MYO3B: variants seen among roughly 807,000 people sequenced by gnomAD.
MYO3B encodes myosin IIIB, also known as myosin-IIIb.
MYO3B carries 156 observed loss-of-function variants against 174.6 expected under a neutral mutation model. That is an observed-to-expected ratio of 0.89 (90% CI 0.78 to 1.02). The LOEUF (loss-of-function observed/expected upper bound fraction) is 1.02, where lower values mean the gene tolerates loss of function less well. Ranked by LOEUF, MYO3B falls within the 50% of genes least tolerant of loss-of-function variation. The pLI is 0.00. For missense variants in MYO3B, 1,632 were observed against 1,639.4 expected, an observed-to-expected ratio of 1.00 and a Z score of 0.08; for synonymous variants, 563 against 569.1, an observed-to-expected ratio of 0.99 and a Z score of 0.15.
At chr2:170,236,761 T>C (rs2093075395) in intron 7 of MYO3B, among the ~76,000 whole-genome samples, 5 of 152,192 alleles carry the variant, frequency 3.3e-5, no homozygotes. Context: ...ACGGCTCTAG[T>C]TATGGAATAT....
chr2:170,403,890 C>T (rs959317237), intron 19 of MYO3B, among the ~76,000 whole-genome samples: 3 of 152,140 alleles, frequency 2.0e-5, no homozygotes, highest in East Asian at 1.9e-4. Flanking sequence ...CTTTGTCGAA[C>T]TCCTTGCAGA....
intron 30 of MYO3B, among the ~76,000 whole-genome samples, chr2:170,520,708 T>G (rs984297612): frequency 3.3e-5 from 5 of 152,084 alleles, no homozygotes; most frequent in African/African-American, 7.2e-5. Context: ...TCTGAGCTGC[T>G]CAAGCTGCAG....
In MYO3B at chr2:170,653,109, T is replaced by C. The variant is rs372816136; in HGVS notation, c.4014T>C (p.Phe1338=). 1.2e-6 allele frequency: 2 copies of C among 1,614,074 alleles called. No individual in the cohort carries two copies. Among genetic ancestry groups the C allele is most frequent in the African/African-American group, 2.7e-5 (2 of 74,938 alleles). ...CTTCATCCTCAAAAGGAGACTCTTT[T>C]GCTCAACATTAAATTGTGCTTCCTA... The part of the protein sequence containing the change: ...FFSSSSKGDS[F]AQH Residue 1338 remains phenylalanine, a synonymous_variant, in exon 35 of 35, where the codon TTT becomes TTC. Coordinates refer to ENST00000408978, the MANE Select transcript of MYO3B (RefSeq NM_138995.5).
At chr2:170,258,617 A>C (rs1329900890) in intron 7 of MYO3B, among the ~76,000 whole-genome samples, 9 of 152,174 alleles carry the variant, frequency 5.9e-5, no homozygotes. Flanking sequence ...GAATGGGAAA[A>C]AGCTGGAAGC....
intron 7 of MYO3B, among the ~76,000 whole-genome samples, chr2:170,316,719 A>G (rs2093778236): frequency 6.6e-6 from 1 of 152,244 alleles, no homozygotes. Flanking sequence ...AAATCACAGT[A>G]TCTATAACTC....
chr2:170,543,918 G>C lies in MYO3B; in HGVS notation c.3663G>C (p.Leu1221=), dbSNP rs761028615. The change falls in exon 32 of 35, where the codon CTG becomes CTC. Residue 1221 remains leucine, a synonymous_variant. Coordinates refer to ENST00000408978, the MANE Select transcript of MYO3B (RefSeq NM_138995.5). ...NKHSVSGTDL[L]SSRICHPAPD... ...ACTCGGTTTCTGGGACTGATTTGCT[G>C]TCTTCTCGGATATGCCATCCTGCTC... 2 of 1,613,144 alleles carry C rather than the reference G, an allele frequency of 1.2e-6. No individual in the cohort carries two copies. The highest frequency in any genetic ancestry group is 1.7e-6 in the Non-Finnish European group (2 of 1,179,280).
chr2:170,258,093 A>C (rs746937582), intron 7 of MYO3B, among the ~76,000 whole-genome samples: 34 of 152,144 alleles, frequency 2.2e-4, no homozygotes, highest in Admixed American at 5.2e-4. Flanking sequence ...AAAACCTGGC[A>C]ACCTAAAAAG....
At chr2:170,468,307 A>G (rs182777740) in intron 25 of MYO3B, among the ~76,000 whole-genome samples, 4 of 152,366 alleles carry the variant, frequency 2.6e-5, no homozygotes, top group South Asian at 2.1e-4. Flanking sequence ...AATCAAAGAC[A>G]GGAAACAGAG....
intron 30 of MYO3B, among the ~76,000 whole-genome samples, chr2:170,526,536 C>T (rs1467697148): frequency 6.6e-6 from 1 of 152,168 alleles, no homozygotes; most frequent in Non-Finnish European, 1.5e-5. Context: ...ATTCCTGGCT[C>T]CTATCTCAGG....
At chr2:170,331,306 C>T (rs1205850673) in intron 7 of MYO3B, among the ~76,000 whole-genome samples, 7 of 152,108 alleles carry the variant, frequency 4.6e-5, no homozygotes, top group Non-Finnish European at 1.0e-4. Flanking sequence ...GGAAGAAAAC[C>T]ATGAGGTCAT....
intron 32 of MYO3B, among the ~76,000 whole-genome samples, chr2:170,575,364 C>A (rs1692722771): frequency 6.6e-6 from 1 of 151,796 alleles, no homozygotes; most frequent in Non-Finnish European, 1.5e-5. Flanking sequence ...TGAAAGAAAC[C>A]AGAGAGTCAA....
chr2:170,390,588 C>A (rs1367026826), intron 14 of MYO3B, among the ~76,000 whole-genome samples: 1 of 152,088 alleles, frequency 6.6e-6, no homozygotes, highest in East Asian at 1.9e-4. Context: ...AGAATGGGGG[C>A]CATGCCACAA....
chr2:170,419,967 G>A (rs1390878228), intron 22 of MYO3B, among the ~76,000 whole-genome samples: 1 of 152,126 alleles, frequency 6.6e-6, no homozygotes, highest in East Asian at 1.9e-4. Flanking sequence ...GGTGGATCAC[G>A]AGGTCAGGAG....
chr2:170,596,389 G>C (rs1311162096), intron 32 of MYO3B, among the ~76,000 whole-genome samples: 3 of 152,186 alleles, frequency 2.0e-5, no homozygotes, highest in Non-Finnish European at 4.4e-5. Context: ...GTCCCTGTTT[G>C]ACTGTTACCA....
chr2:170,277,792 T>A (rs1346695227), intron 7 of MYO3B, among the ~76,000 whole-genome samples: 2 of 152,224 alleles, frequency 1.3e-5, no homozygotes, highest in African/African-American at 4.8e-5. Flanking sequence ...GTCACCAGTT[T>A]GCTGCACATC....
intron 32 of MYO3B, among the ~76,000 whole-genome samples, chr2:170,647,420 G>T (rs974248669): frequency 2.0e-5 from 3 of 152,136 alleles, no homozygotes; most frequent in African/African-American, 4.8e-5. Context: ...CCATTAAATT[G>T]TTCCAGTAGC....
In MYO3B at chr2:170,178,308, C is replaced by G. The variant is rs775062255; in HGVS notation, c.2+19C>G. On this transcript the variant is annotated intron_variant, in intron 1 of 34. Transcript: ENST00000408978. Reference sequence around the variant, plus strand: ...CATCGATGTGAGTTGCAGTTATTTTCCTTCCAGCTTTCTTCTGTGCTTGCT... The same window carrying G: ...CATCGATGTGAGTTGCAGTTATTTTGCTTCCAGCTTTCTTCTGTGCTTGCT... 7.4e-6 allele frequency: 12 copies of G among 1,614,118 alleles called. 1 individual carries two copies. The South Asian group carries it at 1.3e-4, about 18-fold the overall frequency.
intron 32 of MYO3B, among the ~76,000 whole-genome samples, chr2:170,596,709 G>A (rs577979077): frequency 7.2e-5 from 11 of 152,250 alleles, no homozygotes; most frequent in African/African-American, 2.6e-4. Flanking sequence ...GCCCCCCCAG[G>A]GCCTAGAGAA....
chr2:170,483,115 A>C (rs2106017527), intron 25 of MYO3B, among the ~76,000 whole-genome samples: 1 of 152,380 alleles, frequency 6.6e-6, no homozygotes, highest in Admixed American at 6.5e-5. Flanking sequence ...TGGATGCAAG[A>C]ATTAATATTC....
Sources: gnomAD v4.1 joint callset for allele counts (sites outside exome capture counted in the v4.1 genomes callset) on GRCh38, gnomAD v4.1.1 for gene constraint, MANE v1.5 for transcripts, NCBI Gene and HGNC (gene_info 2026-07-23, HGNC 2026-07-21) for gene names.